Variants in STK38L observed in about 807,000 individuals in gnomAD.
STK38L encodes serine/threonine kinase 38 like, also known as serine/threonine-protein kinase 38-like.
STK38L carries 28 observed loss-of-function variants against 59.7 expected under a neutral mutation model. The ratio of observed to expected loss-of-function variants is 0.47; its 90% confidence interval spans 0.35 to 0.64. The LOEUF (loss-of-function observed/expected upper bound fraction) is 0.64. Ranked by LOEUF, STK38L falls within the 30% of genes least tolerant of loss-of-function variation. STK38L has a pLI of 0.01. For synonymous variants in STK38L, 162 were observed against 176.8 expected (o/e 0.92, Z 0.66); for missense variants, 314 against 555.8 (o/e 0.56, Z 4.37).
intron 1 of STK38L, among the ~76,000 whole-genome samples, chr12:27,275,766 A>G (rs1565532372): frequency 1.3e-5 from 2 of 152,232 alleles, no homozygotes; most frequent in African/African-American, 4.8e-5. Flanking sequence ...TAAATGAGGG[A>G]TGAAAGATAC....
At chr12:27,303,012 TA>T (rs33949589) in intron 3 of STK38L, among the ~76,000 whole-genome samples, 65,667 of 119,670 alleles carry the variant, frequency 0.55, 18,534 homozygotes, top group South Asian at 0.63. Flanking sequence ...GACTCCGTCT[TA>T]AAAAAAAAAA....
chr12:27,260,233 C>G (rs1943176905), intron 1 of STK38L, among the ~76,000 whole-genome samples: 1 of 152,178 alleles, frequency 6.6e-6, no homozygotes, highest in Non-Finnish European at 1.5e-5. Flanking sequence ...GGTACTTTAT[C>G]AGATCATGTA....
intron 1 of STK38L, among the ~76,000 whole-genome samples, chr12:27,249,696 T>A (rs1942931320): frequency 6.6e-6 from 1 of 152,208 alleles, no homozygotes; most frequent in Non-Finnish European, 1.5e-5. Context: ...TAACACCAGA[T>A]CAGTTGGTAA....
intron 11 of STK38L, among the ~76,000 whole-genome samples, chr12:27,318,577 A>AG (rs1277025270): frequency 5.3e-5 from 8 of 152,348 alleles, no homozygotes; most frequent in Admixed American, 5.2e-4. Context: ...ATAAAGATTT[A>AG]GGTACACTAT....
rs1329598493 is a variant in STK38L, at chr12:27,318,029, T to C, written c.1079+10T>C. The stretch of plus-strand genomic sequence containing the variant: ...AGGACTTAATTCTCAGGTTAGTGGT[T>C]AAATTCCTAGAGGAGTTCATAGTGT... On this transcript the variant is annotated intron_variant, in intron 11 of 13. Transcript: ENST00000389032. 1.2e-6 allele frequency: 2 copies of C among 1,613,296 alleles called. No homozygotes were observed. The highest frequency in any genetic ancestry group is 1.7e-6 in the Non-Finnish European group (2 of 1,179,744).
At chr12:27,295,565 T>G in intron 1 of STK38L, among the ~76,000 whole-genome samples, 1 of 151,252 alleles carries the variant, frequency 6.6e-6, no homozygotes, top group East Asian at 2.0e-4. Context: ...CCCCAATCAA[T>G]AGGTTGTCTC....
chr12:27,295,545 C>A (rs1943997883), intron 1 of STK38L, among the ~76,000 whole-genome samples: 2 of 152,130 alleles, frequency 1.3e-5, no homozygotes, highest in Non-Finnish European at 2.9e-5. Flanking sequence ...TTACTGCGCC[C>A]CCTCCCTCCC....
chr12:27,261,030 C>T (rs768234967), intron 1 of STK38L, among the ~76,000 whole-genome samples: 1 of 152,066 alleles, frequency 6.6e-6, no homozygotes, highest in Non-Finnish European at 1.5e-5. Flanking sequence ...TAATTGTGTC[C>T]CATGTTTCCA....
chr12:27,319,171 G>T (rs1944663821), intron 11 of STK38L, among the ~76,000 whole-genome samples, 157 bp from the exon 12 acceptor site: 1 of 152,102 alleles, frequency 6.6e-6, no homozygotes, highest in South Asian at 2.1e-4. Flanking sequence ...GCTTACAGAT[G>T]ATTTTTATTT....
At chr12:27,315,498 TTC>T (rs1196748506) in intron 9 of STK38L, 148 bp downstream of exon 9, 114 of 678,952 alleles carry the variant, frequency 1.7e-4, no homozygotes, top group Admixed American at 6.8e-5. Flanking sequence ...TTTTCTTAGT[TTC>T]TCTGTTAAGT....
chr12:27,278,899 C>T (rs1480333457), intron 1 of STK38L, among the ~76,000 whole-genome samples: 1 of 152,032 alleles, frequency 6.6e-6, no homozygotes, highest in African/African-American at 2.4e-5. Flanking sequence ...ATCAAAATCT[C>T]AACAGTAATT....
intron 12 of STK38L, among the ~76,000 whole-genome samples, chr12:27,321,093 G>C (rs892958399): frequency 6.6e-6 from 1 of 152,050 alleles, no homozygotes; most frequent in African/African-American, 2.4e-5. Flanking sequence ...TAACAAGGAA[G>C]GTTAGCTCTC....
chr12:27,247,994 T>C (rs1208449648), intron 1 of STK38L, among the ~76,000 whole-genome samples: 1 of 152,058 alleles, frequency 6.6e-6, no homozygotes, highest in Non-Finnish European at 1.5e-5. Flanking sequence ...TTTAAATTTT[T>C]TGTAGAGACA....
intron 1 of STK38L, among the ~76,000 whole-genome samples, chr12:27,294,920 C>G (rs989382181): frequency 5.9e-5 from 9 of 151,842 alleles, no homozygotes; most frequent in Admixed American, 5.2e-4. Context: ...AGATCCCAGG[C>G]TGATCTCAAA....
intron 1 of STK38L, among the ~76,000 whole-genome samples, chr12:27,295,278 G>A (rs1310923970): frequency 6.6e-6 from 1 of 152,206 alleles, no homozygotes; most frequent in Non-Finnish European, 1.5e-5. Flanking sequence ...TGGCTTTCCT[G>A]TGTATTATCT....
At chr12:27,275,281 A>G (rs1943509072) in intron 1 of STK38L, among the ~76,000 whole-genome samples, 1 of 149,978 alleles carries the variant, frequency 6.7e-6, no homozygotes, top group South Asian at 2.1e-4. Flanking sequence ...CCCCATTATC[A>G]TACTTACTTT....
At chr12:27,288,485 G>A (rs997630099) in intron 1 of STK38L, among the ~76,000 whole-genome samples, 1 of 151,808 alleles carries the variant, frequency 6.6e-6, no homozygotes, top group Admixed American at 6.6e-5. Context: ...GATCCTTCTG[G>A]GTGCACTAGC....
intron 1 of STK38L, among the ~76,000 whole-genome samples, chr12:27,250,466 T>C (rs1010427155): frequency 6.6e-6 from 1 of 152,224 alleles, no homozygotes; most frequent in African/African-American, 2.4e-5. Context: ...TTGATTCCTT[T>C]TTCTTTCTGA....
intron 1 of STK38L, among the ~76,000 whole-genome samples, chr12:27,267,452 G>A (rs1048213201): frequency 5.3e-5 from 8 of 152,162 alleles, no homozygotes; most frequent in Non-Finnish European, 1.2e-4. Flanking sequence ...AGCCAGGCAC[G>A]GTGGCATATG....
Sources: gnomAD v4.1 joint callset for allele counts (sites outside exome capture counted in the v4.1 genomes callset) on GRCh38, gnomAD v4.1.1 for gene constraint, MANE v1.5 for transcripts, NCBI Gene and HGNC (gene_info 2026-07-23, HGNC 2026-07-21) for gene names.